SRPK2: variants seen among roughly 807,000 people sequenced by gnomAD.
SRPK2 encodes SRSF protein kinase 2.
Under a neutral mutation model 90.8 loss-of-function variants are expected in SRPK2, and 21 were observed. The ratio of observed to expected loss-of-function variants is 0.23; its 90% CI spans 0.16 to 0.33. The LOEUF (loss-of-function observed/expected upper bound fraction) is 0.33. Among genes scored for constraint, SRPK2 ranks in the 10% least tolerant of loss-of-function variants. The probability of loss-of-function intolerance (pLI) is 1.00; values close to 1 mark genes in which losing one functional copy is unlikely to be tolerated. For synonymous variants in SRPK2, 288 were observed against 311.1 expected (o/e 0.93, Z 0.78); for missense variants, 620 against 869.0 (o/e 0.71, Z 3.60).
At chr7:105,246,066 C>A (rs901109929) in intron 2 of SRPK2, among the ~76,000 whole-genome samples, 28 of 152,200 alleles carry the variant, frequency 1.8e-4, no homozygotes, top group Admixed American at 1.8e-3. Flanking sequence ...TGGAAGGTTA[C>A]ATCGGCAAAA....
rs550543936 is a variant in SRPK2, at chr7:105,121,833, C to T, written c.1916-3811G>A. ...TTAAAGTGGTTTGTGAAGGAAAATA[C>T]ATTATTTTATCCATGAAATTGTCAT... On this transcript the variant is annotated intron_variant, in intron 15 of 15. Coordinates refer to ENST00000393651, the MANE Select transcript of SRPK2 (RefSeq NM_182692.3). 8.3e-4 allele frequency among the ~76,000 whole-genome samples: 126 copies of T among 152,286 alleles called. 1 individual carries two copies. The highest frequency in any genetic ancestry group is 1.2e-3 in the Admixed American group (18 of 15,304).
chr7:105,285,490 CAAAT>C (rs1807972067), intron 2 of SRPK2, among the ~76,000 whole-genome samples: 1 of 151,302 alleles, frequency 6.6e-6, no homozygotes, highest in African/African-American at 2.4e-5. Flanking sequence ...AATTGTATTT[CAAAT>C]AAATTATATG....
intron 11 of SRPK2, among the ~76,000 whole-genome samples, chr7:105,133,620 G>C (rs1316311299): frequency 6.6e-6 from 1 of 152,182 alleles, no homozygotes; most frequent in African/African-American, 2.4e-5. Context: ...ATCCCCTACA[G>C]TTCCCACTGC....
chr7:105,150,628 A>G (rs2299305), intron 7 of SRPK2, among the ~76,000 whole-genome samples: 61,209 of 152,152 alleles, frequency 0.4, 14,568 homozygotes, highest in Non-Finnish European at 0.53. Flanking sequence ...AGGAAACACA[A>G]TCCAATGGGC....
chr7:105,296,128 C>T (rs1809785760), intron 2 of SRPK2, among the ~76,000 whole-genome samples: 1 of 152,178 alleles, frequency 6.6e-6, no homozygotes, highest in Non-Finnish European at 1.5e-5. Flanking sequence ...TGTGCAATCT[C>T]ACAGCTGTTT....
chr7:105,184,779 G>C (rs985383365), intron 3 of SRPK2, among the ~76,000 whole-genome samples: 1 of 152,140 alleles, frequency 6.6e-6, no homozygotes, highest in Non-Finnish European at 1.5e-5. Context: ...CTAACATTTT[G>C]CTGCAAAAAT....
intron 2 of SRPK2, among the ~76,000 whole-genome samples, chr7:105,322,091 A>T (rs968257120): frequency 6.6e-6 from 1 of 152,212 alleles, no homozygotes; most frequent in African/African-American, 2.4e-5. Flanking sequence ...GTGTATAGAT[A>T]CAATGAAATA....
chr7:105,137,354 A>G (rs577094578), intron 11 of SRPK2, among the ~76,000 whole-genome samples: 27 of 152,310 alleles, frequency 1.8e-4, no homozygotes, highest in African/African-American at 6.5e-4. Flanking sequence ...TGGGAAACAC[A>G]ATGGAGATCA....
chr7:105,389,525 AG>A, upstream of SRPK2: 1 of 745,932 alleles, frequency 1.3e-6, no homozygotes, highest in Non-Finnish European at 1.7e-6. Flanking sequence ...ATGAAGGAAA[AG>A]ATACAGATAG....
At chr7:105,317,327 C>A (rs545764512) in intron 2 of SRPK2, among the ~76,000 whole-genome samples, 4 of 152,140 alleles carry the variant, frequency 2.6e-5, no homozygotes, top group Non-Finnish European at 5.9e-5. Context: ...CTTGATGAAG[C>A]AATGAAAAAA....
At chr7:105,267,350 G>A (rs1379534558) in intron 2 of SRPK2, among the ~76,000 whole-genome samples, 1 of 152,072 alleles carries the variant, frequency 6.6e-6, no homozygotes, top group East Asian at 1.9e-4. Context: ...ATCTCATTAA[G>A]TGTGCTCTTC....
intron 2 of SRPK2, among the ~76,000 whole-genome samples, chr7:105,300,363 G>C (rs185575047): frequency 1.3e-5 from 2 of 151,960 alleles, no homozygotes; most frequent in Admixed American, 1.3e-4. Flanking sequence ...TCATGGCTGG[G>C]ATATACTAAT....
chr7:105,248,435 TTAAAAAAAA>T (rs1802014759), intron 2 of SRPK2, among the ~76,000 whole-genome samples: 4 of 109,594 alleles, frequency 3.6e-5, no homozygotes, highest in Admixed American at 1.9e-4. Context: ...TACAAAAAAT[TTAAAAAAAA>T]AAAAAAAAAA....
intron 2 of SRPK2, among the ~76,000 whole-genome samples, chr7:105,283,113 G>T (rs1033019601): frequency 2.6e-5 from 4 of 152,164 alleles, no homozygotes; most frequent in African/African-American, 9.7e-5. Flanking sequence ...TCACAACCAA[G>T]AGGGCTATAA....
rs980946090 is a variant in SRPK2, at chr7:105,206,263, A to G, written c.72-2478T>C. The G allele has an allele frequency of 6.3e-5, 18 of 286,526 alleles. No individual in the cohort carries two copies. The East Asian group carries it at 1.6e-3, about 25-fold the overall frequency. The allele number at this position is 286,526 out of a possible 1,614,324, so 17.7% of individuals were successfully genotyped here. On this transcript the variant is annotated intron_variant, in intron 2 of 15. Coordinates refer to ENST00000393651, the MANE Select transcript of SRPK2 (RefSeq NM_182692.3). ...CATTGAGAACCAGTGCACTAGTAGCATTTTCTATATATGGCTTTACCTCAA... is the reference window on the plus strand; with the variant it reads ...CATTGAGAACCAGTGCACTAGTAGCGTTTTCTATATATGGCTTTACCTCAA...
chr7:105,334,238 T>C (rs1814787882), intron 2 of SRPK2, among the ~76,000 whole-genome samples: 1 of 152,210 alleles, frequency 6.6e-6, no homozygotes, highest in Admixed American at 6.5e-5. Flanking sequence ...CACGCCACCA[T>C]GCCTCGCTAA....
intron 2 of SRPK2, among the ~76,000 whole-genome samples, chr7:105,305,870 G>A (rs1406053005): frequency 6.6e-6 from 1 of 152,180 alleles, no homozygotes; most frequent in East Asian, 1.9e-4. Flanking sequence ...GCTAGACTGA[G>A]GAAAACAAGT....
intron 2 of SRPK2, among the ~76,000 whole-genome samples, chr7:105,382,530 C>T (rs1203959239): frequency 2.0e-5 from 2 of 101,002 alleles, no homozygotes; most frequent in Non-Finnish European, 3.7e-5. Flanking sequence ...CCAGCCTGGG[C>T]AACAAGAGCA....
intron 4 of SRPK2, among the ~76,000 whole-genome samples, 197 bp from the exon 5 acceptor site, chr7:105,168,292 T>G (rs985175586): frequency 1.3e-5 from 2 of 152,216 alleles, no homozygotes; most frequent in South Asian, 2.1e-4. Flanking sequence ...AGTAAAAGAT[T>G]TGCATGTTGC....
Sources: allele counts gnomAD v4.1 joint callset (sites outside exome capture counted in the v4.1 genomes callset), GRCh38; gene constraint gnomAD v4.1.1; transcripts MANE v1.5; gene names NCBI Gene and HGNC (gene_info 2026-07-23, HGNC 2026-07-21).